LCLAT1: variants seen among roughly 807,000 people sequenced by gnomAD.
LCLAT1 encodes the protein 1-AGP acyltransferase 8.
Under a neutral mutation model 30.7 loss-of-function variants are expected in LCLAT1, and 11 were observed. The ratio of observed to expected loss-of-function variants is 0.36; its 90% CI spans 0.23 to 0.59. The LOEUF is 0.59. Among genes scored for constraint, LCLAT1 ranks in the 20% least tolerant of loss-of-function variants. LCLAT1 has a pLI of 0.77. For synonymous variants in LCLAT1, 155 were observed against 151.3 expected, an observed-to-expected ratio of 1.02 and a Z score of -0.18; for missense variants, 402 against 458.6, an observed-to-expected ratio of 0.88 and a Z score of 1.13.
chr2:30,482,511 G>A (rs1683368164), intron 1 of LCLAT1, among the ~76,000 whole-genome samples: 1 of 152,086 alleles, frequency 6.6e-6, no homozygotes, highest in African/African-American at 2.4e-5. Flanking sequence ...TAACTTCCTT[G>A]GTCTTGTCAC....
intron 1 of LCLAT1, among the ~76,000 whole-genome samples, chr2:30,522,333 ATAT>A (rs1182488153): frequency 6.6e-6 from 1 of 152,188 alleles, no homozygotes; most frequent in African/African-American, 2.4e-5. Flanking sequence ...TGGTTGCTGC[ATAT>A]CCTTGTCAGC....
chr2:30,451,244 G>A (rs1681534525), intron 1 of LCLAT1, among the ~76,000 whole-genome samples: 1 of 152,126 alleles, frequency 6.6e-6, no homozygotes, highest in African/African-American at 2.4e-5. Flanking sequence ...AGACCAACTG[G>A]ATCTCTTACA....
chr2:30,606,272 A>G, intron 5 of LCLAT1: 1 of 319,170 alleles, frequency 3.1e-6, no homozygotes, highest in Non-Finnish European at 6.1e-6. Context: ...AAAAGCCCAT[A>G]TAGCCAAGAC....
intron 4 of LCLAT1, among the ~76,000 whole-genome samples, chr2:30,565,339 T>C (rs1032012952): frequency 1.3e-5 from 2 of 152,144 alleles, no homozygotes; most frequent in African/African-American, 4.8e-5. Flanking sequence ...TTCTGTCTTT[T>C]TCTGTTAAGG....
intron 5 of LCLAT1, among the ~76,000 whole-genome samples, chr2:30,592,856 A>G (rs1666757095): frequency 6.6e-6 from 1 of 152,216 alleles, no homozygotes; most frequent in Admixed American, 6.5e-5. Context: ...ATAACTGTAT[A>G]CAATGTGTAA....
intron 1 of LCLAT1, among the ~76,000 whole-genome samples, chr2:30,485,802 A>T (rs555519004): frequency 1.3e-5 from 2 of 152,252 alleles, no homozygotes; most frequent in East Asian, 1.9e-4. Flanking sequence ...ATGCTATAGG[A>T]ACATTTGGAT....
At chr2:30,584,699 CAGTT>C (rs1380523006) in intron 5 of LCLAT1, among the ~76,000 whole-genome samples, 2 of 152,148 alleles carry the variant, frequency 1.3e-5, no homozygotes, top group Non-Finnish European at 2.9e-5. Flanking sequence ...TCTATGATGG[CAGTT>C]AGTCCAACTT....
Position 30,533,309 on chromosome 2 carries a change from G to C in LCLAT1, c.359G>C (p.Gly120Ala). The change falls in exon 3 of 6, where the codon GGA becomes GCA. Residue 120 changes from glycine to alanine, a missense_variant. Physicochemically the swap from Gly to Ala is moderately conservative, Grantham distance 60 (BLOSUM62 0). Coordinates refer to ENST00000379509, the MANE Select transcript of LCLAT1 (RefSeq NM_001002257.3). ...CLKASLKGVP[G>A]FGWAMQAAAY... ...AAAGCGAGTCTCAAAGGTGTTCCTGGATTTGGTAGGTTATTCACACATTAT... is the reference window on the plus strand; with the variant it reads ...AAAGCGAGTCTCAAAGGTGTTCCTGCATTTGGTAGGTTATTCACACATTAT... 6.2e-7 allele frequency: 1 copy of C among 1,613,506 alleles called. No individual in the cohort carries two copies. Among genetic ancestry groups the C allele is most frequent in the East Asian group, 2.2e-5 (1 of 44,860 alleles).
intron 3 of LCLAT1, among the ~76,000 whole-genome samples, chr2:30,537,082 T>C (rs1457048231): frequency 6.6e-6 from 1 of 152,182 alleles, no homozygotes; most frequent in African/African-American, 2.4e-5. Flanking sequence ...GTGTATCAGA[T>C]AAGATAGACT....
intron 3 of LCLAT1, among the ~76,000 whole-genome samples, chr2:30,541,897 T>G (rs994717490): frequency 6.6e-6 from 1 of 152,224 alleles, no homozygotes; most frequent in African/African-American, 2.4e-5. Context: ...TATCAGTCTT[T>G]CTAACTTCAG....
At chr2:30,545,525 T>C (rs1023054341) in intron 3 of LCLAT1, among the ~76,000 whole-genome samples, 6 of 152,168 alleles carry the variant, frequency 3.9e-5, no homozygotes, top group African/African-American at 1.2e-4. Context: ...AATAGACCTA[T>C]GTAACAGGGT....
intron 1 of LCLAT1, among the ~76,000 whole-genome samples, chr2:30,493,127 CAT>C (rs1431207910): frequency 2.6e-5 from 4 of 152,140 alleles, no homozygotes; most frequent in African/African-American, 9.7e-5. Flanking sequence ...GTCAGGCACA[CAT>C]GTGGAGGTAG....
At chr2:30,586,883 C>A (rs1666466684) in intron 5 of LCLAT1, among the ~76,000 whole-genome samples, 1 of 152,106 alleles carries the variant, frequency 6.6e-6, no homozygotes, top group Admixed American at 6.5e-5. Context: ...CTTTTTATAA[C>A]CCCCTCACCA....
At chr2:30,448,384 A>G (rs1475486412) in intron 1 of LCLAT1, among the ~76,000 whole-genome samples, 1 of 152,252 alleles carries the variant, frequency 6.6e-6, no homozygotes, top group African/African-American at 2.4e-5. Flanking sequence ...GTAAAAATAC[A>G]TCATCACTTT....
chr2:30,634,374 C>T (rs1668919721), intron 5 of LCLAT1, among the ~76,000 whole-genome samples: 1 of 152,130 alleles, frequency 6.6e-6, no homozygotes, highest in African/African-American at 2.4e-5. Flanking sequence ...GCCTGTAATC[C>T]CAACACTTTG....
chr2:30,568,000 TCCTTA>T (rs1320825057), intron 4 of LCLAT1, 55 bp from the exon 5 acceptor site: 1 of 884,432 alleles, frequency 1.1e-6, no homozygotes, highest in East Asian at 2.5e-5. Flanking sequence ...TGCACTTCTT[TCCTTA>T]CCTTGTTTAT....
intron 1 of LCLAT1, among the ~76,000 whole-genome samples, chr2:30,502,904 G>T (rs1684467726): frequency 1.3e-5 from 2 of 152,194 alleles, no homozygotes; most frequent in African/African-American, 4.8e-5. Flanking sequence ...TTAAGGGTGA[G>T]CCAGTGACAG....
At chr2:30,603,536 A>C (rs1441317550) in intron 5 of LCLAT1, among the ~76,000 whole-genome samples, 1 of 152,142 alleles carries the variant, frequency 6.6e-6, no homozygotes, top group Non-Finnish European at 1.5e-5. Context: ...ATTCTCAATC[A>C]AATGAGAGGA....
At chr2:30,453,989 T>A (rs1212365960) in intron 1 of LCLAT1, among the ~76,000 whole-genome samples, 1 of 152,244 alleles carries the variant, frequency 6.6e-6, no homozygotes, top group Non-Finnish European at 1.5e-5. Flanking sequence ...CGCAGTCTAG[T>A]TTCAGAGTCT....
Sources: allele counts gnomAD v4.1 joint callset (sites outside exome capture counted in the v4.1 genomes callset), GRCh38; gene constraint gnomAD v4.1.1; transcripts MANE v1.5; gene names NCBI Gene and HGNC (gene_info 2026-07-23, HGNC 2026-07-21).